Variants in IL16 observed in about 807,000 individuals in gnomAD.
The protein encoded by IL16 is pro-interleukin-16.
A neutral mutation model predicts 110.1 loss-of-function variants in IL16; 67 were observed. The observed-to-expected ratio is 0.61, with a 90% CI of 0.50 to 0.75. IL16 has a LOEUF of 0.75. Among genes scored for constraint, IL16 ranks in the 30% least tolerant of loss-of-function variants. The probability of loss-of-function intolerance (pLI) is 0.00; values close to 1 mark genes in which losing one functional copy is unlikely to be tolerated. For synonymous variants in IL16, 689 were observed against 662.9 expected, an observed-to-expected ratio of 1.04 and a Z score of -0.61; for missense variants, 1,545 against 1,655.0, an observed-to-expected ratio of 0.93 and a Z score of 1.15.
At position 81,267,479 on chromosome 15, in the gene IL16, G is replaced by GACACACACACACACACACACAC. The variant is rs56259509; in HGVS notation, c.564+1684_564+1705dup. ...ACACATACGCAGACACACATACACA[G>GACACACACACACACACACACAC]ACACACACACACACACACACACACA... On this transcript the variant is annotated intron_variant, in intron 4 of 18. Transcript: ENST00000683961. Among the ~76,000 whole-genome samples, 25 of 107,660 alleles carry GACACACACACACACACACACAC rather than the reference G, an allele frequency of 2.3e-4. 1 individual carries two copies. The highest frequency in any genetic ancestry group is 1.8e-3 in the Admixed American group (22 of 12,376). 70.6% of individuals were successfully genotyped at this position (107,660 alleles called of 152,430 possible). A position where few individuals can be genotyped will look rare whatever the true frequency, so the allele number is the denominator to read the frequency against.
chr15:81,230,015 G>C (rs1010774124), intron 2 of IL16, among the ~76,000 whole-genome samples: 3 of 152,118 alleles, frequency 2.0e-5, no homozygotes, highest in African/African-American at 7.2e-5. Flanking sequence ...GCCCAGAAAA[G>C]ACTGGGTAAA....
In IL16 at chr15:81,313,742, G is replaced by A. The variant is rs546529400; in HGVS notation, c.*4944G>A. 1.9e-3 allele frequency: 330 copies of A among 174,956 alleles called. No homozygotes were observed. Among genetic ancestry groups the A allele is most frequent in the African/African-American group, 7.4e-3 (316 of 42,516 alleles). The allele number at this position is 174,956 out of a possible 1,614,324, so 10.8% of individuals were successfully genotyped here. On this transcript the variant is annotated 3_prime_UTR_variant, in exon 19 of 19. Transcript: ENST00000683961. ...TGCCAGGCCCTGAGAGGAACGAAGA[G>A]ATGCTGCCCTTCACTATTTAGGGTC... is the stretch of plus-strand genomic sequence containing the variant.
At chr15:81,217,808 G>C (rs974597039) in intron 1 of IL16, among the ~76,000 whole-genome samples, 5 of 152,046 alleles carry the variant, frequency 3.3e-5, no homozygotes, top group African/African-American at 1.2e-4. Flanking sequence ...AGCTAAAAAA[G>C]CATTTAATAA....
At chr15:81,266,727 G>A (rs72746153) in intron 4 of IL16, among the ~76,000 whole-genome samples, 2 of 152,146 alleles carry the variant, frequency 1.3e-5, no homozygotes, top group Non-Finnish European at 2.9e-5. Context: ...CTCCAAAGGC[G>A]TGGACTTCAC....
rs1900936157 is a variant in IL16 at position 81,312,857 on chromosome 15, T to C, written c.*4059T>C. 1 of 154,380 alleles carries C rather than the reference T, an allele frequency of 6.5e-6. No individual in the cohort carries two copies. The highest frequency in any genetic ancestry group is 6.5e-5 in the Admixed American group (1 of 15,324). 9.6% of individuals were successfully genotyped at this position (154,380 alleles called of 1,614,324 possible). A position where few individuals can be genotyped will look rare whatever the true frequency, so the allele number is the denominator to read the frequency against. On this transcript the variant is annotated 3_prime_UTR_variant, in exon 19 of 19. Coordinates refer to ENST00000683961, the MANE Select transcript of IL16 (RefSeq NM_172217.5). ...AAAGGCAACAGGGCCTGGTTTTCAG[T>C]GGCGATGATGATTCTCTATGACAGT...
intron 18 of IL16, among the ~76,000 whole-genome samples, chr15:81,308,173 C>T (rs547403628): frequency 1.3e-5 from 2 of 152,324 alleles, no homozygotes; most frequent in African/African-American, 4.8e-5. Flanking sequence ...ACAAAAATCT[C>T]ACTAGCTCTC....
intron 2 of IL16, among the ~76,000 whole-genome samples, chr15:81,239,697 G>A (rs1240570306): frequency 2.0e-5 from 3 of 152,140 alleles, no homozygotes; most frequent in Non-Finnish European, 2.9e-5. Flanking sequence ...ACAGAGGCTG[G>A]GATTCCCCAC....
intron 4 of IL16, among the ~76,000 whole-genome samples, chr15:81,267,670 G>T (rs1386624332): frequency 3.3e-5 from 5 of 152,192 alleles, no homozygotes; most frequent in Admixed American, 1.3e-4. Context: ...AGAGCCAATG[G>T]TGTGGTTCCC....
chr15:81,263,019 A>T (rs1898219286), intron 3 of IL16, among the ~76,000 whole-genome samples: 1 of 152,168 alleles, frequency 6.6e-6, no homozygotes, highest in Admixed American at 6.5e-5. Context: ...TTTTATTTTG[A>T]TGATTCCTTG....
chr15:81,307,144 G>A (rs946777663), intron 18 of IL16, among the ~76,000 whole-genome samples: 3 of 152,208 alleles, frequency 2.0e-5, no homozygotes, highest in African/African-American at 7.2e-5. Context: ...ATGAATGACT[G>A]TGGCTACCAT....
Position 81,292,758 on chromosome 15 carries a change from A to C in IL16, c.1623A>C (p.Thr541=). 2 of 1,614,178 alleles carry C rather than the reference A, an allele frequency of 1.2e-6. No individual in the cohort carries two copies. The highest frequency in any genetic ancestry group is 1.7e-6 in the Non-Finnish European group (2 of 1,180,022). Reference sequence around the variant, plus strand: ...CGTCCTCTGACGTGGACATCAGCACACACAGCCCCAGCTTGCCTCTGGCAC... The same window carrying C: ...CGTCCTCTGACGTGGACATCAGCACCCACAGCCCCAGCTTGCCTCTGGCAC... ...EKPSSDVDIS[T]HSPSLPLARE... The change falls in exon 12 of 19, where the codon ACA becomes ACC. Residue 541 remains threonine (T), a synonymous_variant. Transcript: ENST00000683961.
chr15:81,287,666 A>C (rs576704396), intron 10 of IL16, among the ~76,000 whole-genome samples: 1 of 152,344 alleles, frequency 6.6e-6, no homozygotes, highest in South Asian at 2.1e-4. Flanking sequence ...CTAAGTAAAG[A>C]AGCTAAGATT....
chr15:81,183,277 G>C (rs1183278831), intron 1 of IL16, among the ~76,000 whole-genome samples: 1 of 152,186 alleles, frequency 6.6e-6, no homozygotes, highest in Admixed American at 6.5e-5. Flanking sequence ...AACGCTAGCT[G>C]TCAGGGTCCC....
At chr15:81,300,740 G>C (rs1900242367) in intron 14 of IL16, among the ~76,000 whole-genome samples, 1 of 152,146 alleles carries the variant, frequency 6.6e-6, no homozygotes, top group Non-Finnish European at 1.5e-5. Flanking sequence ...AGGTGGGACT[G>C]GCTCCCTGGT....
chr15:81,263,962 A>G (rs1898264959), intron 3 of IL16, among the ~76,000 whole-genome samples: 1 of 152,168 alleles, frequency 6.6e-6, no homozygotes, highest in Admixed American at 6.5e-5. Context: ...CAAAGGACAA[A>G]TGACGAGCCA....
intron 9 of IL16, 116 bp from the exon 10 acceptor site, chr15:81,285,582 C>A (rs1899408499): frequency 2.7e-6 from 3 of 1,110,498 alleles, no homozygotes; most frequent in East Asian, 2.5e-5. Context: ...TCTACTTATT[C>A]ATGTGATTTT....
intron 1 of IL16, among the ~76,000 whole-genome samples, chr15:81,198,387 C>G (rs1895677329): frequency 1.3e-5 from 2 of 152,128 alleles, no homozygotes; most frequent in African/African-American, 2.4e-5. Flanking sequence ...CCCAGCTTGA[C>G]TCCAAAATCC....
Position 81,211,634 on chromosome 15 carries a change from G to T in IL16, c.-101-13665G>T, listed in dbSNP as rs4402520. On this transcript the variant is annotated intron_variant, in intron 1 of 18. Transcript: ENST00000683961. ...AACTCCTGGGCTTAAGCAATCTGCCGCTCTTGGCCTCCCAAAGTGCTAGAA... is the reference window on the plus strand; with the variant it reads ...AACTCCTGGGCTTAAGCAATCTGCCTCTCTTGGCCTCCCAAAGTGCTAGAA... 5.9e-3 allele frequency among the ~76,000 whole-genome samples: 896 copies of T among 152,086 alleles called. 6 individuals carry two copies. Among genetic ancestry groups the T allele is most frequent in the African/African-American group, 0.021 (861 of 41,498 alleles).
At chr15:81,201,536 C>T (rs1244057626) in intron 1 of IL16, among the ~76,000 whole-genome samples, 1 of 152,136 alleles carries the variant, frequency 6.6e-6, no homozygotes, top group African/African-American at 2.4e-5. Context: ...TTTCCTACTT[C>T]TATTTCTTCC....
Sources: allele counts gnomAD v4.1 joint callset (sites outside exome capture counted in the v4.1 genomes callset), GRCh38; gene constraint gnomAD v4.1.1; transcripts MANE v1.5; gene names NCBI Gene and HGNC (gene_info 2026-07-23, HGNC 2026-07-21).